The following FHIT variants were observed in gnomAD, a reference collection of about 807,000 sequenced individuals.
The protein encoded by FHIT is bis(5'-adenosyl)-triphosphatase.
A neutral mutation model predicts 17.9 loss-of-function variants in FHIT; 19 were observed. The observed-to-expected ratio is 1.06, with a 90% CI of 0.74 to 1.56. The LOEUF (loss-of-function observed/expected upper bound fraction) is 1.56. Among genes scored for constraint, FHIT ranks in the 40% most tolerant of loss-of-function variants. The pLI, the probability that FHIT is intolerant of heterozygous loss-of-function variation, is 0.00. For synonymous variants in FHIT, 81 were observed against 69.7 expected, an observed-to-expected ratio of 1.16 and a Z score of -0.81; for missense variants, 248 against 189.2, an observed-to-expected ratio of 1.31 and a Z score of -1.82.
chr3:59,978,553 T>G (rs1708512487), intron 7 of FHIT, among the ~76,000 whole-genome samples: 1 of 151,614 alleles, frequency 6.6e-6, no homozygotes, highest in African/African-American at 2.4e-5. Flanking sequence ...TCTCTTTACC[T>G]CTCAGCATTT....
chr3:61,169,254 T>A (rs1160209708), intron 2 of FHIT, among the ~76,000 whole-genome samples: 1 of 152,234 alleles, frequency 6.6e-6, no homozygotes, highest in Non-Finnish European at 1.5e-5. Flanking sequence ...GTGATTTTAA[T>A]TGACTTCCTA....
chr3:60,357,412 T>A (rs997962114), intron 5 of FHIT, among the ~76,000 whole-genome samples: 1 of 151,946 alleles, frequency 6.6e-6, no homozygotes, highest in Non-Finnish European at 1.5e-5. Context: ...CCTGGCTAAT[T>A]TTTTGTATTT....
chr3:60,158,252 A>G (rs1700787818), intron 5 of FHIT, among the ~76,000 whole-genome samples: 2 of 152,250 alleles, frequency 1.3e-5, no homozygotes, highest in Admixed American at 6.5e-5. Context: ...CAGAACATAA[A>G]CAGCTCAAGA....
chr3:60,796,388 C>A (rs1378728509), intron 4 of FHIT, among the ~76,000 whole-genome samples: 6 of 152,144 alleles, frequency 3.9e-5, no homozygotes, highest in African/African-American at 1.2e-4. Context: ...AAGTCAGATG[C>A]GTAATTCCTT....
intron 3 of FHIT, among the ~76,000 whole-genome samples, chr3:60,850,717 C>G (rs1260711789): frequency 6.6e-6 from 1 of 152,142 alleles, no homozygotes; most frequent in Non-Finnish European, 1.5e-5. Flanking sequence ...TAAAGCTCCT[C>G]TCCTCAGCTG....
chr3:60,470,666 A>G (rs921151720), intron 5 of FHIT, among the ~76,000 whole-genome samples: 3 of 151,982 alleles, frequency 2.0e-5, no homozygotes, highest in African/African-American at 7.2e-5. Flanking sequence ...CAAATCCTGA[A>G]ATCAGAGATC....
intron 8 of FHIT, among the ~76,000 whole-genome samples, chr3:59,826,683 G>A (rs750245990): frequency 1.6e-4 from 24 of 152,260 alleles, no homozygotes; most frequent in Non-Finnish European, 2.8e-4. Context: ...GAGTCTCAGC[G>A]TGTGTCTCAT....
intron 5 of FHIT, among the ~76,000 whole-genome samples, chr3:60,124,013 G>T (rs866770070): frequency 6.4e-3 from 276 of 43,450 alleles, no homozygotes; most frequent in East Asian, 7.2e-3. Context: ...TATATATAGA[G>T]AGAGAGAGAG....
intron 3 of FHIT, among the ~76,000 whole-genome samples, chr3:61,041,087 A>C (rs1387810426): frequency 3.9e-5 from 6 of 152,086 alleles, no homozygotes; most frequent in Non-Finnish European, 7.4e-5. Context: ...TCATATTAAA[A>C]TTTTCAAGAC....
intron 5 of FHIT, among the ~76,000 whole-genome samples, chr3:60,141,244 A>C (rs1700027685): frequency 1.3e-5 from 2 of 152,110 alleles, no homozygotes; most frequent in African/African-American, 4.8e-5. Flanking sequence ...GATTAACAGA[A>C]AATGATCATT....
At chr3:60,397,647 G>T (rs535699749) in intron 5 of FHIT, among the ~76,000 whole-genome samples, 4 of 152,070 alleles carry the variant, frequency 2.6e-5, no homozygotes, top group Admixed American at 1.3e-4. Context: ...TACTGATAGC[G>T]ACAGGAGGCG....
intron 5 of FHIT, among the ~76,000 whole-genome samples, chr3:60,374,027 A>G (rs1700443701): frequency 1.3e-5 from 2 of 152,298 alleles, no homozygotes; most frequent in South Asian, 4.1e-4. Context: ...TTAAAAAAGT[A>G]ATGGTTTTGG....
intron 3 of FHIT, among the ~76,000 whole-genome samples, chr3:60,895,698 CTT>C (rs1279542125): frequency 4.9e-5 from 7 of 142,088 alleles, no homozygotes; most frequent in Admixed American, 2.1e-4. Flanking sequence ...TTCTTTCTTT[CTT>C]TCTTTCTTTC....
intron 5 of FHIT, among the ~76,000 whole-genome samples, chr3:60,217,422 C>T (rs983506583): frequency 6.6e-6 from 1 of 152,194 alleles, no homozygotes; most frequent in Non-Finnish European, 1.5e-5. Context: ...TCATCTCTTG[C>T]ATATTCTGCT....
At chr3:60,815,566 T>C (rs973379399) in intron 4 of FHIT, among the ~76,000 whole-genome samples, 25 of 152,218 alleles carry the variant, frequency 1.6e-4, no homozygotes, top group Admixed American at 5.9e-4. Flanking sequence ...TATTTCTGGG[T>C]TCTCTAGTCT....
intron 8 of FHIT, among the ~76,000 whole-genome samples, chr3:59,883,855 T>C (rs1046820162): frequency 6.6e-6 from 1 of 152,332 alleles, no homozygotes; most frequent in Non-Finnish European, 1.5e-5. Flanking sequence ...TAAAAGCATA[T>C]TGTGTCAATA....
chr3:60,372,427 A>C (rs1054722898), intron 5 of FHIT, among the ~76,000 whole-genome samples: 1 of 152,174 alleles, frequency 6.6e-6, no homozygotes, highest in Non-Finnish European at 1.5e-5. Flanking sequence ...ATTATGTTTA[A>C]AAACAGAGTT....
intron 5 of FHIT, among the ~76,000 whole-genome samples, chr3:60,506,842 AGAAT>A (rs2034752212): frequency 6.6e-6 from 1 of 152,072 alleles, no homozygotes; most frequent in African/African-American, 2.4e-5. Flanking sequence ...TTTGTGAACA[AGAAT>A]GAATGATGTT....
intron 4 of FHIT, among the ~76,000 whole-genome samples, chr3:60,591,150 G>C (rs2038071349): frequency 6.6e-6 from 1 of 152,004 alleles, no homozygotes; most frequent in Admixed American, 6.6e-5. Flanking sequence ...TAAAGGAAAA[G>C]CATAGCACCC....
Sources: allele counts gnomAD v4.1 joint callset (sites outside exome capture counted in the v4.1 genomes callset), GRCh38; gene constraint gnomAD v4.1.1; transcripts MANE v1.5; gene names NCBI Gene and HGNC (gene_info 2026-07-23, HGNC 2026-07-21).